The following SASH1 variants were observed in gnomAD, a reference collection of about 807,000 sequenced individuals.
The protein encoded by SASH1 is SAM and SH3 domain-containing protein 1.
Under a neutral mutation model 125.2 loss-of-function variants are expected in SASH1, and 44 were observed. The observed-to-expected ratio is 0.35, with a 90% CI of 0.28 to 0.45. SASH1 has a LOEUF of 0.45. Among genes scored for constraint, SASH1 ranks in the 20% least tolerant of loss-of-function variants. SASH1 has a pLI of 1.00. For missense variants in SASH1, 1,426 were observed against 1,614.5 expected (o/e 0.88, Z 2.00); for synonymous variants, 639 against 649.1 (o/e 0.98, Z 0.24).
chr6:148,326,376 A>ATATATATATATATACATTCTT (rs1582968893), intron 1 of SASH1, among the ~76,000 whole-genome samples: 1 of 38,312 alleles, frequency 2.6e-5, no homozygotes, highest in African/African-American at 8.4e-5. Flanking sequence ...ATATATATAC[A>ATATATATATATATACATTCTT]TTCTTTTCTT....
chr6:148,361,052 A>G (rs1394020953), intron 1 of SASH1, among the ~76,000 whole-genome samples: 1 of 152,192 alleles, frequency 6.6e-6, no homozygotes, highest in African/African-American at 2.4e-5. Context: ...CCCACAGAGA[A>G]CAGCATGTGA....
chr6:148,450,111 G>C (rs1214105852), intron 4 of SASH1, among the ~76,000 whole-genome samples: 2 of 152,130 alleles, frequency 1.3e-5, no homozygotes, highest in Non-Finnish European at 2.9e-5. Flanking sequence ...AGCACTCTCT[G>C]TTTATTTTTA....
chr6:148,248,767 G>A, the SASH1 span, among the ~76,000 whole-genome samples: 1 of 152,230 alleles, frequency 6.6e-6, no homozygotes. Context: ...TTGTAGCTGT[G>A]TTTCCCAAGG....
intron 1 of SASH1, among the ~76,000 whole-genome samples, chr6:148,277,713 G>T (rs911236055): frequency 6.6e-6 from 1 of 151,298 alleles, no homozygotes; most frequent in East Asian, 1.9e-4. Flanking sequence ...AATATGCAGG[G>T]TTTTGTTTTG....
the SASH1 span, among the ~76,000 whole-genome samples, chr6:148,193,521 C>T: frequency 1.4e-4 from 22 of 152,260 alleles, no homozygotes; most frequent in African/African-American, 4.3e-4. Context: ...TGTGCTCAGT[C>T]ACTTGAGCAG....
intron 1 of SASH1, among the ~76,000 whole-genome samples, chr6:148,348,079 T>C (rs1029244599): frequency 1.3e-5 from 2 of 152,162 alleles, no homozygotes; most frequent in Non-Finnish European, 2.9e-5. Context: ...CAATCTCCGG[T>C]CACTGCAACC....
intron 4 of SASH1, among the ~76,000 whole-genome samples, chr6:148,461,512 G>A (rs975584255): frequency 2.0e-5 from 3 of 152,104 alleles, no homozygotes; most frequent in Admixed American, 2.0e-4. Context: ...CTAAATCATG[G>A]GGCCAAGCAA....
chr6:148,442,535 T>A (rs73788552), intron 4 of SASH1, among the ~76,000 whole-genome samples: 3,922 of 150,976 alleles, frequency 0.026, 171 homozygotes, highest in African/African-American at 0.089. Context: ...TCTCTCTCTC[T>A]CACACACCCC....
chr6:148,502,551 G>A (rs1455039188), intron 8 of SASH1, among the ~76,000 whole-genome samples: 9 of 152,228 alleles, frequency 5.9e-5, no homozygotes, highest in African/African-American at 1.9e-4. Context: ...CAGTGCCCCT[G>A]AGGTAGGGAG....
chr6:148,376,897 G>A (rs1476823686), intron 1 of SASH1, among the ~76,000 whole-genome samples: 2 of 151,540 alleles, frequency 1.3e-5, no homozygotes, highest in Admixed American at 6.6e-5. Flanking sequence ...TCGGCCGGGC[G>A]CGGTGGCTCA....
At chr6:148,509,490 G>C (rs914610901) in intron 8 of SASH1, among the ~76,000 whole-genome samples, 3 of 152,198 alleles carry the variant, frequency 2.0e-5, no homozygotes, top group African/African-American at 7.2e-5. Flanking sequence ...CTGAGTGAAA[G>C]TGCTTCTGCA....
chr6:148,307,023 C>CTTT (rs1207823197), intron 1 of SASH1, among the ~76,000 whole-genome samples: 1 of 140,570 alleles, frequency 7.1e-6, no homozygotes, highest in Non-Finnish European at 1.6e-5. Context: ...CTTTCTCTTT[C>CTTT]TTTTCTTTCT....
intron 1 of SASH1, among the ~76,000 whole-genome samples, chr6:148,363,949 C>T (rs1782349640): frequency 1.3e-5 from 2 of 152,146 alleles, no homozygotes; most frequent in Non-Finnish European, 2.9e-5. Context: ...ATGGGACATA[C>T]ATTCTAAAAA....
chr6:148,525,482 AGTCACGTTTGG>A, intron 11 of SASH1, 117 bp downstream of exon 11: 1 of 858,940 alleles, frequency 1.2e-6, no homozygotes, highest in Admixed American at 1.9e-5. Flanking sequence ...GGTAATCCTG[AGTCACGTTTGG>A]AAAAAAGCTC....
upstream of SASH1, among the ~76,000 whole-genome samples, chr6:148,339,890 G>A (rs529962309): frequency 1.1e-4 from 17 of 152,254 alleles, no homozygotes; most frequent in East Asian, 1.5e-3. Flanking sequence ...TAAACTGTAC[G>A]TGTCTTTAGA....
chr6:148,541,282 T>G (rs1225291567), intron 17 of SASH1, among the ~76,000 whole-genome samples: 1 of 151,132 alleles, frequency 6.6e-6, no homozygotes, highest in African/African-American at 2.4e-5. Flanking sequence ...TGGAATCCTA[T>G]CTAGTAGCCC....
chr6:148,493,623 G>T (rs1779199246), intron 8 of SASH1, among the ~76,000 whole-genome samples: 1 of 152,158 alleles, frequency 6.6e-6, no homozygotes, highest in South Asian at 2.1e-4. Context: ...CATTTGCATT[G>T]ATTTCATAGG....
chr6:148,467,468 C>T (rs1474706), intron 4 of SASH1, among the ~76,000 whole-genome samples: 136,520 of 152,242 alleles, frequency 0.9, 61,310 homozygotes, highest in African/African-American at 0.95. Flanking sequence ...TTGGGCTGTG[C>T]ACACTTTTCA....
At chr6:148,337,707 G>A (rs1457726604) in intron 1 of SASH1, among the ~76,000 whole-genome samples, 1 of 152,130 alleles carries the variant, frequency 6.6e-6, no homozygotes, top group African/African-American at 2.4e-5. Context: ...ACATTTATCT[G>A]TACATACGTG....
Sources: allele counts gnomAD v4.1 joint callset (sites outside exome capture counted in the v4.1 genomes callset), GRCh38; gene constraint gnomAD v4.1.1; transcripts MANE v1.5; gene names NCBI Gene and HGNC (gene_info 2026-07-23, HGNC 2026-07-21).